Variants in CDH18 observed in about 807,000 individuals in gnomAD.
CDH18 encodes cadherin 18.
A neutral mutation model predicts 67.9 loss-of-function variants in CDH18; 31 were observed. The ratio of observed to expected loss-of-function variants is 0.46; its 90% CI spans 0.34 to 0.62. CDH18 has a LOEUF of 0.62. CDH18 is among the 20% of genes least tolerant of loss of function. The probability of loss-of-function intolerance (pLI) is 0.01; values close to 1 mark genes in which losing one functional copy is unlikely to be tolerated. For synonymous variants in CDH18, 362 were observed against 347.2 expected (o/e 1.04, Z -0.48); for missense variants, 890 against 975.5 (o/e 0.91, Z 1.17).
intron 3 of CDH18, among the ~76,000 whole-genome samples, chr5:19,778,583 C>G (rs923229169): frequency 6.6e-6 from 1 of 152,122 alleles, no homozygotes; most frequent in Non-Finnish European, 1.5e-5. Context: ...GAAAGATAGA[C>G]CTACTACATA....
At chr5:19,807,162 C>A (rs1056024646) in intron 3 of CDH18, among the ~76,000 whole-genome samples, 2 of 151,942 alleles carry the variant, frequency 1.3e-5, no homozygotes, top group African/African-American at 2.4e-5. Context: ...AATATAGGGA[C>A]CTGTTGGGAT....
At chr5:19,938,382 C>T (rs543916537) in intron 2 of CDH18, among the ~76,000 whole-genome samples, 8 of 151,178 alleles carry the variant, frequency 5.3e-5, no homozygotes, top group South Asian at 4.2e-4. Flanking sequence ...TTATGACTTC[C>T]GATATCCTAG....
At chr5:19,761,934 A>G (rs1449439652) in intron 3 of CDH18, among the ~76,000 whole-genome samples, 2 of 152,162 alleles carry the variant, frequency 1.3e-5, no homozygotes, top group Admixed American at 6.5e-5. Context: ...CAGAAATCAT[A>G]CCACACATCT....
At chr5:20,389,926 G>T (rs1744686960) in intron 1 of CDH18, among the ~76,000 whole-genome samples, 1 of 152,106 alleles carries the variant, frequency 6.6e-6, no homozygotes, top group Non-Finnish European at 1.5e-5. Context: ...GGGAAAACTG[G>T]CTAGCCATAG....
chr5:20,082,578 T>G (rs890077434), intron 2 of CDH18, among the ~76,000 whole-genome samples: 1 of 152,200 alleles, frequency 6.6e-6, no homozygotes, highest in African/African-American at 2.4e-5. Flanking sequence ...TTATGTTTCC[T>G]TCCTATTATG....
chr5:19,544,118 C>A, intron 8 of CDH18, 113 bp from the exon 9 acceptor site: 1 of 434,116 alleles, frequency 2.3e-6, no homozygotes, highest in Non-Finnish European at 3.9e-6. Flanking sequence ...CTTTTAAATT[C>A]TATATTTGAT....
intron 2 of CDH18, among the ~76,000 whole-genome samples, chr5:20,161,583 T>G (rs905730910): frequency 6.6e-6 from 1 of 152,222 alleles, no homozygotes; most frequent in Non-Finnish European, 1.5e-5. Context: ...TCTCATTATC[T>G]CTTTTTGTTC....
At chr5:20,058,568 G>A (rs912955960) in intron 2 of CDH18, among the ~76,000 whole-genome samples, 1 of 152,034 alleles carries the variant, frequency 6.6e-6, no homozygotes, top group Non-Finnish European at 1.5e-5. Flanking sequence ...TGCCCTTACT[G>A]TAACATCATT....
chr5:20,484,436 C>A (rs1461588494), intron 1 of CDH18, among the ~76,000 whole-genome samples: 1 of 151,916 alleles, frequency 6.6e-6, no homozygotes, highest in Non-Finnish European at 1.5e-5. Flanking sequence ...AGGTATATAA[C>A]CAAAACAAAG....
intron 2 of CDH18, among the ~76,000 whole-genome samples, chr5:19,855,861 C>CT (rs1784229027): frequency 6.6e-6 from 1 of 152,038 alleles, no homozygotes; most frequent in Non-Finnish European, 1.5e-5. Context: ...GGGAAAAAGA[C>CT]TATCTTTTTC....
At chr5:19,673,925 C>T (rs1042594099) in intron 5 of CDH18, among the ~76,000 whole-genome samples, 1 of 152,008 alleles carries the variant, frequency 6.6e-6, no homozygotes, top group African/African-American at 2.4e-5. Flanking sequence ...TACTTCACAA[C>T]TATTATATAA....
At chr5:19,950,184 T>C (rs759700886) in intron 2 of CDH18, among the ~76,000 whole-genome samples, 22 of 151,872 alleles carry the variant, frequency 1.4e-4, no homozygotes, top group Middle Eastern at 3.4e-3. Context: ...GAAATACTAC[T>C]AAGATATAAA....
intron 2 of CDH18, among the ~76,000 whole-genome samples, chr5:20,254,613 G>A (rs1003381010): frequency 5.3e-5 from 8 of 152,134 alleles, no homozygotes; most frequent in Admixed American, 1.3e-4. Flanking sequence ...TACCACACTC[G>A]CGACAGATCC....
chr5:20,075,636 A>T (rs1225329435), intron 2 of CDH18, among the ~76,000 whole-genome samples: 1 of 152,188 alleles, frequency 6.6e-6, no homozygotes, highest in Non-Finnish European at 1.5e-5. Flanking sequence ...ACTAGAACAT[A>T]GTTTTCAAAA....
intron 11 of CDH18, among the ~76,000 whole-genome samples, chr5:19,488,061 T>C (rs1740689812): frequency 6.6e-6 from 1 of 152,164 alleles, no homozygotes; most frequent in African/African-American, 2.4e-5. Context: ...GGAGATCAGA[T>C]GTAGTTTTCT....
chr5:19,493,616 T>C (rs1189960983), intron 11 of CDH18, among the ~76,000 whole-genome samples: 1 of 151,794 alleles, frequency 6.6e-6, no homozygotes, highest in Non-Finnish European at 1.5e-5. Context: ...GTGAATATAT[T>C]CATATTGACA....
At chr5:20,123,760 C>T (rs763092233) in intron 2 of CDH18, among the ~76,000 whole-genome samples, 18 of 151,792 alleles carry the variant, frequency 1.2e-4, no homozygotes, top group Non-Finnish European at 2.5e-4. Flanking sequence ...TGGTGGTGGG[C>T]ACCTGTAGTC....
At chr5:19,795,922 G>A (rs1363728160) in intron 3 of CDH18, among the ~76,000 whole-genome samples, 1 of 151,988 alleles carries the variant, frequency 6.6e-6, no homozygotes, top group African/African-American at 2.4e-5. Context: ...TAGAATTATA[G>A]AACAAGAAAA....
intron 9 of CDH18, among the ~76,000 whole-genome samples, chr5:19,528,512 T>A (rs949810146): frequency 6.6e-6 from 1 of 151,602 alleles, no homozygotes; most frequent in African/African-American, 2.4e-5. Flanking sequence ...ATATATATAT[T>A]TTAAATGTTT....
Sources: gnomAD v4.1 joint callset for allele counts (sites outside exome capture counted in the v4.1 genomes callset) on GRCh38, gnomAD v4.1.1 for gene constraint, MANE v1.5 for transcripts, NCBI Gene and HGNC (gene_info 2026-07-23, HGNC 2026-07-21) for gene names.